The following HERC1 variants were observed in gnomAD, a reference collection of about 807,000 sequenced individuals.
HERC1 encodes probable E3 ubiquitin-protein ligase HERC1.
HERC1 carries 160 observed loss-of-function variants against 554.3 expected under a neutral mutation model. The ratio of observed to expected loss-of-function variants is 0.29; its 90% CI spans 0.25 to 0.33. The LOEUF is 0.33. Ranked by LOEUF, HERC1 falls within the 10% of genes least tolerant of loss-of-function variation. The probability of loss-of-function intolerance (pLI) is 1.00; values close to 1 mark genes in which losing one functional copy is unlikely to be tolerated. For missense variants in HERC1, 4,919 were observed against 5,918.5 expected (o/e 0.83, Z 5.54); for synonymous variants, 2,175 against 2,131.7 (o/e 1.02, Z -0.56).
Position 63,666,490 on chromosome 15 carries a change from G to C in HERC1, c.8207-18C>G. Reference sequence around the variant, plus strand: ...TGACAAGGCTGAGACAAAAGGAAGAGAAATAAGAACCTAAATATCACTAGA... The same window carrying C: ...TGACAAGGCTGAGACAAAAGGAAGACAAATAAGAACCTAAATATCACTAGA... On this transcript the variant is annotated intron_variant, in intron 40 of 77. Transcript: ENST00000443617. 4 of 1,495,438 alleles carry C rather than the reference G, an allele frequency of 2.7e-6. No homozygotes were observed. Among genetic ancestry groups the C allele is most frequent in the Non-Finnish European group, 3.7e-6 (4 of 1,082,634 alleles). The allele number at this position is 1,495,438 out of a possible 1,614,324, so 92.6% of individuals were successfully genotyped here.
chr15:63,669,375 C>T (rs941210997), intron 40 of HERC1, among the ~76,000 whole-genome samples, 163 bp downstream of exon 40: 21 of 152,252 alleles, frequency 1.4e-4, no homozygotes, highest in African/African-American at 4.6e-4. Flanking sequence ...ATTCAATCCA[C>T]AGCTTCAACA....
chr15:63,666,249 G>A (rs1468907658), intron 41 of HERC1, 99 bp from the exon 42 acceptor site: 23 of 1,371,192 alleles, frequency 1.7e-5, no homozygotes, highest in Admixed American at 2.3e-5. Context: ...ACAAAATATA[G>A]TGTTAAAAAT....
intron 36 of HERC1, among the ~76,000 whole-genome samples, chr15:63,679,833 T>G (rs191705778): frequency 6.6e-6 from 1 of 152,348 alleles, no homozygotes; most frequent in African/African-American, 2.4e-5. Flanking sequence ...GGTCTTGTAG[T>G]TCTTGTGACT....
At chr15:63,755,923 G>T (rs774201263) in intron 5 of HERC1, among the ~76,000 whole-genome samples, 5 of 152,054 alleles carry the variant, frequency 3.3e-5, no homozygotes, top group Non-Finnish European at 7.4e-5. Context: ...CCCCATTCAG[G>T]TCTCTATTAA....
Position 63,656,153 on chromosome 15 carries a change from C to T in HERC1, c.9805G>A (p.Ala3269Thr). Residue 3269 changes from alanine (A) to threonine (T), a missense_variant, in exon 49 of 78, where the codon GCA (alanine) becomes ACA (threonine). By Grantham distance (58) the Ala-to-Thr change is moderately conservative (BLOSUM62 0). Transcript: ENST00000443617. Reference sequence around the variant, plus strand: ...GCATTTGATGCCAGACATCCCACTGCTGTGCTCAAATAGGCCAGGCAAGAG... The same window carrying T: ...GCATTTGATGCCAGACATCCCACTGTTGTGCTCAAATAGGCCAGGCAAGAG... ...PISCLAYLST[A>T]VGCLASNAPS... 1 of 1,612,754 alleles carries T rather than the reference C, an allele frequency of 6.2e-7. No individual in the cohort carries two copies. The highest frequency in any genetic ancestry group is 8.5e-7 in the Non-Finnish European group (1 of 1,179,338).
At chr15:63,620,054 C>T (rs1350003226) in intron 74 of HERC1, among the ~76,000 whole-genome samples, 1 of 152,130 alleles carries the variant, frequency 6.6e-6, no homozygotes, top group Non-Finnish European at 1.5e-5. Flanking sequence ...TGTGTTTGCT[C>T]TTGCTTCTCT....
At chr15:63,815,953 G>A (rs937823121) in intron 1 of HERC1, among the ~76,000 whole-genome samples, 8 of 152,242 alleles carry the variant, frequency 5.3e-5, no homozygotes, top group African/African-American at 1.9e-4. Context: ...CAGATCTCAT[G>A]AGAACTCACT....
chr15:63,665,643 T>C (rs978454505), intron 42 of HERC1, among the ~76,000 whole-genome samples: 2 of 152,252 alleles, frequency 1.3e-5, no homozygotes, highest in African/African-American at 4.8e-5. Context: ...TATTAGCATG[T>C]TTACTTCAAA....
chr15:63,787,653 T>C (rs1270456522), intron 1 of HERC1, among the ~76,000 whole-genome samples: 1 of 151,972 alleles, frequency 6.6e-6, no homozygotes. Context: ...CAGTCCTAGC[T>C]ACTTGGGAGG....
intron 67 of HERC1, 109 bp from the exon 68 acceptor site, chr15:63,632,920 TCA>T: frequency 1.4e-6 from 1 of 722,258 alleles, no homozygotes; most frequent in Non-Finnish European, 2.3e-6. Flanking sequence ...ATACTAATTG[TCA>T]CTTACCTGTT....
At chr15:63,737,130 A>G (rs1199808282) in intron 12 of HERC1, among the ~76,000 whole-genome samples, 1 of 151,904 alleles carries the variant, frequency 6.6e-6, no homozygotes, top group Non-Finnish European at 1.5e-5. Flanking sequence ...CTTATAAATT[A>G]AAAAGATGAT....
intron 34 of HERC1, among the ~76,000 whole-genome samples, chr15:63,685,596 C>G (rs76398865): frequency 2.6e-5 from 4 of 152,188 alleles, no homozygotes; most frequent in Admixed American, 6.5e-5. Flanking sequence ...TTAATGAGAT[C>G]TGTTGTAACT....
chr15:63,725,456 C>T lies in HERC1; in HGVS notation c.3404G>A (p.Trp1135Ter). The change falls in exon 18 of 78, where the codon TGG becomes TAG. Residue 1135 changes from tryptophan to a stop codon, truncating the protein, a stop_gained. Transcript: ENST00000443617. LOFTEE classifies it high-confidence loss of function. ...GLPLPQPAQSWVWLVDLERTI... is the reference protein window; with the variant it reads ...GLPLPQPAQS The stretch of plus-strand genomic sequence containing the variant: ...TCTTTCTAGATCCACAAGCCATACC[C>T]AGGACTGAGCTGGCTGAGGTAATGG... 1 of 1,613,924 alleles carries T rather than the reference C, an allele frequency of 6.2e-7. No individual in the cohort carries two copies. The highest frequency in any genetic ancestry group is 8.5e-7 in the Non-Finnish European group (1 of 1,179,864).
At chr15:63,790,210 C>CTA (rs200254798) in intron 1 of HERC1, among the ~76,000 whole-genome samples, 5,014 of 152,286 alleles carry the variant, frequency 0.033, 100 homozygotes, top group Middle Eastern at 0.099. Context: ...ACGTAAGCTG[C>CTA]TATTATGATC....
chr15:63,781,897 C>G (rs2076299962), intron 1 of HERC1, among the ~76,000 whole-genome samples: 1 of 152,198 alleles, frequency 6.6e-6, no homozygotes, highest in South Asian at 2.1e-4. Context: ...TCTGAGTGGT[C>G]TGGATAGAAT....
intron 12 of HERC1, among the ~76,000 whole-genome samples, chr15:63,741,719 T>C (rs925000450): frequency 6.6e-6 from 1 of 152,234 alleles, no homozygotes; most frequent in African/African-American, 2.4e-5. Context: ...GGGTATACAG[T>C]TGTCCAAGTA....
At chr15:63,698,531 T>A (rs1460275532) in intron 26 of HERC1, among the ~76,000 whole-genome samples, 197 bp downstream of exon 26, 1 of 152,118 alleles carries the variant, frequency 6.6e-6, no homozygotes, top group African/African-American at 2.4e-5. Flanking sequence ...AGATGACAAT[T>A]TTAAAATGCA....
At chr15:63,656,502 T>G (rs777696052) in intron 48 of HERC1, 144 bp from the exon 49 acceptor site, 87 of 724,008 alleles carry the variant, frequency 1.2e-4, no homozygotes, top group Non-Finnish European at 1.8e-4. Flanking sequence ...GTCCTAAGAG[T>G]TGCCAAAGGT....
chr15:63,785,289 T>C (rs2076404177), intron 1 of HERC1, among the ~76,000 whole-genome samples: 1 of 151,926 alleles, frequency 6.6e-6, no homozygotes, highest in Non-Finnish European at 1.5e-5. Flanking sequence ...CTGGGCATGG[T>C]GGTACACGAC....
Sources: allele counts gnomAD v4.1 joint callset (sites outside exome capture counted in the v4.1 genomes callset), GRCh38; gene constraint gnomAD v4.1.1; transcripts MANE v1.5; gene names NCBI Gene and HGNC (gene_info 2026-07-23, HGNC 2026-07-21).